ERGIC1: variants seen among roughly 807,000 people sequenced by gnomAD.
ERGIC1 encodes endoplasmic reticulum-golgi intermediate compartment 1.
ERGIC1 carries 19 observed loss-of-function variants against 38.3 expected under a neutral mutation model. The ratio of observed to expected loss-of-function variants is 0.50; its 90% CI spans 0.35 to 0.73. ERGIC1 has a LOEUF of 0.73. ERGIC1 is among the 30% of genes least tolerant of loss of function. The pLI is 0.01. For missense variants in ERGIC1, 294 were observed against 389.2 expected (o/e 0.76, Z 2.06); for synonymous variants, 124 against 157.6 (o/e 0.79, Z 1.60).
rs1760984079 is a variant in ERGIC1 at position 172,834,579 on chromosome 5, A to AG, written c.20+147dup. ...CGCAGGCCCCTAGGGACCCCAGGCG[A>AG]GCCCCCCCCCTGCCGCACACGAAGC... On this transcript the variant is annotated intron_variant, in intron 1 of 9. Transcript: ENST00000393784. The surrounding 1 kb of genome is among the most constrained non-coding windows in gnomAD (Gnocchi z 4.1). 58 of 542,142 alleles carry AG rather than the reference A, an allele frequency of 1.1e-4. No homozygotes were observed. Among genetic ancestry groups the AG allele is most frequent in the Middle Eastern group, 6.0e-4 (1 of 1,676 alleles). 33.6% of individuals were successfully genotyped at this position (542,142 alleles called of 1,614,324 possible). A position where few individuals can be genotyped will look rare whatever the true frequency, so the allele number is the denominator to read the frequency against.
At chr5:172,835,550 T>C (rs1348284458) in intron 1 of ERGIC1, among the ~76,000 whole-genome samples, 1 of 151,826 alleles carries the variant, frequency 6.6e-6, no homozygotes, top group African/African-American at 2.4e-5. Flanking sequence ...CCAGGAGGGG[T>C]TTTCCACATC....
chr5:172,892,446 G>A (rs1581547410), intron 2 of ERGIC1, among the ~76,000 whole-genome samples: 2 of 152,314 alleles, frequency 1.3e-5, no homozygotes, highest in South Asian at 2.1e-4. Flanking sequence ...GGGTTTAAAT[G>A]TTGCCTCCTC....
chr5:172,915,485 A>G (rs776817620), intron 5 of ERGIC1: 1 of 443,442 alleles, frequency 2.3e-6, no homozygotes, highest in Non-Finnish European at 4.8e-6. Flanking sequence ...GCTCAGAAGG[A>G]CCATTCAAGG....
chr5:172,839,570 CACACACACATACACACACACACACAT>C (rs1761109382), intron 1 of ERGIC1, among the ~76,000 whole-genome samples: 3 of 151,900 alleles, frequency 2.0e-5, no homozygotes, highest in African/African-American at 2.4e-5. Context: ...TCTCAAAACA[CACACACACATACACACACACACACAT>C]ACACACACAT....
rs1763596236 is a variant in ERGIC1, at chr5:172,924,071, C to G, written c.442C>G (p.His148Asp). 1 of 1,614,226 alleles carries G rather than the reference C, an allele frequency of 6.2e-7. No homozygotes were observed. The highest frequency in any genetic ancestry group is 8.5e-7 in the Non-Finnish European group (1 of 1,180,054). Residue 148 changes from histidine to aspartate, a missense_variant, in exon 6 of 10, where the codon CAT becomes GAT. Transcript: ENST00000393784. ...CCAGCCACAGAACCCAGACATGACG[C>G]ATGTCATCCACAAGCTCTCCTTTGG... ...TAQPQNPDMT[H>D]VIHKLSFGDT...
At chr5:172,887,400 G>A (rs143781895) in intron 1 of ERGIC1, among the ~76,000 whole-genome samples, 2 of 152,292 alleles carry the variant, frequency 1.3e-5, no homozygotes, top group South Asian at 2.1e-4. Context: ...CCTCCCCTGC[G>A]AGCTCTCTGC....
At chr5:172,944,942 G>C (rs890835688) in intron 9 of ERGIC1, among the ~76,000 whole-genome samples, 1 of 152,206 alleles carries the variant, frequency 6.6e-6, no homozygotes, top group African/African-American at 2.4e-5. Context: ...CTTTGCCGCT[G>C]CCTTGGGTGT....
intron 4 of ERGIC1, among the ~76,000 whole-genome samples, chr5:172,912,704 T>C (rs1184084465): frequency 1.3e-5 from 2 of 152,002 alleles, no homozygotes; most frequent in African/African-American, 4.8e-5. Context: ...TGTGTTCTTA[T>C]ATAAAAGGCA....
chr5:172,944,937 C>T (rs919738945), intron 9 of ERGIC1, among the ~76,000 whole-genome samples: 1 of 152,224 alleles, frequency 6.6e-6, no homozygotes, highest in African/African-American at 2.4e-5. Context: ...GTCACCTTTG[C>T]CGCTGCCTTG....
intron 1 of ERGIC1, among the ~76,000 whole-genome samples, chr5:172,849,460 C>T (rs779230924): frequency 2.6e-5 from 4 of 152,160 alleles, no homozygotes; most frequent in Non-Finnish European, 5.9e-5. Context: ...GAACTGGGTA[C>T]CACAAATCTT....
intron 3 of ERGIC1, chr5:172,906,191 C>T: frequency 2.2e-6 from 1 of 456,180 alleles, no homozygotes; most frequent in Non-Finnish European, 4.4e-6. Flanking sequence ...GTCCGTGTCT[C>T]CCCTCTCCCA....
intron 9 of ERGIC1, among the ~76,000 whole-genome samples, chr5:172,946,250 C>A (rs770639582): frequency 2.6e-5 from 4 of 152,224 alleles, no homozygotes; most frequent in Non-Finnish European, 4.4e-5. Flanking sequence ...CAGCAACAGG[C>A]TGTGGGAACT....
At chr5:172,915,192 T>C (rs1763329672) in intron 5 of ERGIC1, 6 of 614,262 alleles carry the variant, frequency 9.8e-6, no homozygotes, top group African/African-American at 1.8e-5. Flanking sequence ...AGGCTGAGGG[T>C]GTGATGGCGA....
intron 1 of ERGIC1, among the ~76,000 whole-genome samples, chr5:172,862,935 T>G (rs756599412): frequency 3.9e-5 from 6 of 152,216 alleles, no homozygotes; most frequent in Non-Finnish European, 8.8e-5. Flanking sequence ...ACAGAGCTAT[T>G]GCTGGTAGAC....
At chr5:172,948,157 C>T (rs1764163161) in intron 9 of ERGIC1, among the ~76,000 whole-genome samples, 2 of 152,164 alleles carry the variant, frequency 1.3e-5, no homozygotes, top group Admixed American at 1.3e-4. Context: ...CAGTCCTCTC[C>T]ACTCCCTGGG....
chr5:172,896,113 C>T (rs752572771), intron 2 of ERGIC1, among the ~76,000 whole-genome samples: 1 of 152,044 alleles, frequency 6.6e-6, no homozygotes, highest in East Asian at 1.9e-4. Context: ...GAGGCTGAGG[C>T]GGGCGGTTCA....
intron 3 of ERGIC1, among the ~76,000 whole-genome samples, chr5:172,899,083 A>G (rs1307656770): frequency 2.0e-5 from 3 of 152,156 alleles, no homozygotes; most frequent in African/African-American, 7.2e-5. Context: ...AGAGGCACAC[A>G]TGTGTCATCT....
intron 7 of ERGIC1, among the ~76,000 whole-genome samples, chr5:172,928,693 G>T (rs1456005776): frequency 6.6e-6 from 1 of 151,898 alleles, no homozygotes; most frequent in Admixed American, 6.6e-5. Context: ...ATGATAAGAG[G>T]CCTGGAGGCC....
At chr5:172,902,523 C>A (rs1202910170) in intron 3 of ERGIC1, among the ~76,000 whole-genome samples, 3 of 152,178 alleles carry the variant, frequency 2.0e-5, no homozygotes, top group African/African-American at 7.2e-5. Flanking sequence ...TGGTGTGGGG[C>A]CACCCAGAGG....
Sources: allele counts gnomAD v4.1 joint callset (sites outside exome capture counted in the v4.1 genomes callset), GRCh38; gene constraint gnomAD v4.1.1; non-coding constraint Gnocchi (gnomAD v3.1); transcripts MANE v1.5; gene names NCBI Gene and HGNC (gene_info 2026-07-23, HGNC 2026-07-21).